Variants in FAM78B observed in about 807,000 individuals in gnomAD.
FAM78B encodes protein FAM78B.
Under a neutral mutation model 20.0 loss-of-function variants are expected in FAM78B, and 10 were observed. That is an observed-to-expected ratio of 0.50 (90% confidence interval 0.31 to 0.85). FAM78B has a LOEUF of 0.85. FAM78B is among the 40% of genes least tolerant of loss of function. The probability of loss-of-function intolerance (pLI) is 0.05; values close to 1 mark genes in which losing one functional copy is unlikely to be tolerated. For synonymous variants in FAM78B, 135 were observed against 132.8 expected (o/e 1.02, Z -0.12); for missense variants, 283 against 345.0 (o/e 0.82, Z 1.42).
At chr1:166,144,603 A>AG (rs1164539113) in intron 1 of FAM78B, among the ~76,000 whole-genome samples, 1 of 152,096 alleles carries the variant, frequency 6.6e-6, no homozygotes, top group Non-Finnish European at 1.5e-5. Flanking sequence ...GTGGGCGGAA[A>AG]GGGGGGCAGA....
intron 1 of FAM78B, among the ~76,000 whole-genome samples, chr1:166,112,685 C>T (rs1260106365): frequency 6.6e-6 from 1 of 152,206 alleles, no homozygotes; most frequent in Non-Finnish European, 1.5e-5. Flanking sequence ...CACACCCCTG[C>T]TCTCAAACCA....
At position 166,094,733 on chromosome 1, in the gene FAM78B, AAAGAT is replaced by A. The variant is rs575981543; in HGVS notation, c.264-23975_264-23971del. On this transcript the variant is annotated intron_variant, in intron 1 of 1. Transcript: ENST00000354422. ...TCACATATTCTGGACGGAGCCCTGA[AAAGAT>A]AAGGAGGACATCTGGATACCAAGTG... 8.5e-5 allele frequency among the ~76,000 whole-genome samples: 13 copies of A among 152,326 alleles called. 1 individual carries two copies. In the South Asian group the frequency reaches 2.7e-3, roughly 32 times the overall value.
intron 1 of FAM78B, among the ~76,000 whole-genome samples, chr1:166,141,053 G>A (rs1655257216): frequency 6.6e-6 from 1 of 152,138 alleles, no homozygotes; most frequent in South Asian, 2.1e-4. Flanking sequence ...CAATTAGAGG[G>A]GCATTAATAT....
At chr1:166,105,804 C>T (rs1653752558) in intron 1 of FAM78B, among the ~76,000 whole-genome samples, 1 of 151,494 alleles carries the variant, frequency 6.6e-6, no homozygotes, top group Non-Finnish European at 1.5e-5. Flanking sequence ...GTGGCGATTC[C>T]TCAGGGATCT....
intron 1 of FAM78B, among the ~76,000 whole-genome samples, chr1:166,092,853 A>C (rs1653132749): frequency 6.6e-6 from 1 of 152,226 alleles, no homozygotes; most frequent in South Asian, 2.1e-4. Flanking sequence ...TGATAAATGA[A>C]GGAATAAGTC....
downstream of FAM78B, among the ~76,000 whole-genome samples, chr1:166,056,624 T>C (rs1651355608): frequency 6.6e-6 from 1 of 152,190 alleles, no homozygotes; most frequent in African/African-American, 2.4e-5. Flanking sequence ...AACTTTAAGA[T>C]GACCTGTTTT....
chr1:166,153,905 T>C (rs746234429), intron 1 of FAM78B, among the ~76,000 whole-genome samples: 1 of 152,192 alleles, frequency 6.6e-6, no homozygotes, highest in Non-Finnish European at 1.5e-5. Context: ...TTCCCTCCCA[T>C]TCTTCCCCAA....
At chr1:166,148,930 T>G (rs927959887) in intron 1 of FAM78B, among the ~76,000 whole-genome samples, 3 of 152,234 alleles carry the variant, frequency 2.0e-5, no homozygotes, top group African/African-American at 4.8e-5. Context: ...TTACTGAGAA[T>G]GATGATTTCC....
chr1:166,099,272 A>C (rs924453165), intron 1 of FAM78B, among the ~76,000 whole-genome samples: 1 of 152,234 alleles, frequency 6.6e-6, no homozygotes, highest in African/African-American at 2.4e-5. Flanking sequence ...CAAATTCTAG[A>C]AAGACATCAA....
At chr1:166,093,750 CTT>C (rs879694948) in intron 1 of FAM78B, among the ~76,000 whole-genome samples, 3 of 143,894 alleles carry the variant, frequency 2.1e-5, no homozygotes, top group Non-Finnish European at 3.1e-5. Flanking sequence ...ATGGGAAACA[CTT>C]TTTTTTTTTT....
Position 166,109,866 on chromosome 1 carries a change from G to GTA in FAM78B, c.264-39104_264-39103insTA, listed in dbSNP as rs1557903254. Among the ~76,000 whole-genome samples, 3 of 17,156 alleles carry GTA rather than the reference G, an allele frequency of 1.7e-4. 1 individual carries two copies. Among genetic ancestry groups the GTA allele is most frequent in the Non-Finnish European group, 3.5e-4 (3 of 8,458 alleles). 11.3% of individuals were successfully genotyped at this position (17,156 alleles called of 152,430 possible). On this transcript the variant is annotated intron_variant, in intron 1 of 1. Coordinates refer to ENST00000354422, the MANE Select transcript of FAM78B (RefSeq NM_001017961.5). ...TATATATATATATATATATATGTAT[G>GTA]TGTATATATATATATGTATATATGT... is the stretch of plus-strand genomic sequence containing the variant.
chr1:166,084,809 G>A (rs770779039), intron 1 of FAM78B, among the ~76,000 whole-genome samples: 2 of 152,182 alleles, frequency 1.3e-5, no homozygotes, highest in African/African-American at 2.4e-5. Context: ...CGCATCAGGT[G>A]GTGGAAGTGG....
chr1:166,094,482 G>A (rs1653200418), intron 1 of FAM78B, among the ~76,000 whole-genome samples: 1 of 152,190 alleles, frequency 6.6e-6, no homozygotes, highest in Non-Finnish European at 1.5e-5. Flanking sequence ...CAATCACTAT[G>A]GACCCAGAAC....
chr1:166,109,882 G>GTGTA (rs1553219461), intron 1 of FAM78B, among the ~76,000 whole-genome samples: 1 of 12,250 alleles, frequency 8.2e-5, no homozygotes, highest in African/African-American at 1.5e-4. Context: ...ATATATATAT[G>GTGTA]TATATATGTA....
intron 1 of FAM78B, 99 bp downstream of exon 1, chr1:166,165,887 T>G (rs972999553): frequency 1.4e-6 from 2 of 1,392,380 alleles, no homozygotes. Flanking sequence ...AGAAAGACGA[T>G]GGGGACAGCA....
exon 3 of FAM78B, chr1:166,059,839 A>G (rs1167732300): frequency 6.6e-6 from 1 of 152,186 alleles, no homozygotes; most frequent in Non-Finnish European, 1.5e-5. Flanking sequence ...TGAAGCTTCA[A>G]AGAGAAATAA....
chr1:166,101,347 T>C (rs1476250555), intron 1 of FAM78B, among the ~76,000 whole-genome samples: 1 of 152,006 alleles, frequency 6.6e-6, no homozygotes, highest in Non-Finnish European at 1.5e-5. Context: ...GAGAATAACT[T>C]TGAGGAGTTG....
downstream of FAM78B, chr1:166,057,409 A>G (rs938430488): frequency 6.6e-6 from 1 of 152,224 alleles, no homozygotes; most frequent in Non-Finnish European, 1.5e-5. Flanking sequence ...TGAGGACAAA[A>G]TTAAAGAGAA....
At chr1:166,145,838 A>AT (rs1306160844) in intron 1 of FAM78B, among the ~76,000 whole-genome samples, 2 of 152,260 alleles carry the variant, frequency 1.3e-5, no homozygotes, top group African/African-American at 4.8e-5. Context: ...CAAATACTGG[A>AT]TAATGAGTCA....
Sources: allele counts gnomAD v4.1 joint callset (sites outside exome capture counted in the v4.1 genomes callset), GRCh38; gene constraint gnomAD v4.1.1; transcripts MANE v1.5; gene names NCBI Gene and HGNC (gene_info 2026-07-23, HGNC 2026-07-21).